Variants in ANK1 observed in about 807,000 individuals in gnomAD.
ANK1 encodes the protein ankyrin-1.
A neutral mutation model predicts 210.4 loss-of-function variants in ANK1; 51 were observed. The observed-to-expected ratio is 0.24, with a 90% CI of 0.19 to 0.31. The LOEUF (loss-of-function observed/expected upper bound fraction) is 0.31. Among genes scored for constraint, ANK1 ranks in the 10% least tolerant of loss-of-function variants. The probability of loss-of-function intolerance (pLI) is 1.00; values close to 1 mark genes in which losing one functional copy is unlikely to be tolerated. For synonymous variants in ANK1, 967 were observed against 1,025.9 expected (o/e 0.94, Z 1.10); for missense variants, 2,051 against 2,504.4 (o/e 0.82, Z 3.86).
At chr8:41,822,615 CTTCTT>C (rs770099771) in intron 1 of ANK1, among the ~76,000 whole-genome samples, 2 of 152,282 alleles carry the variant, frequency 1.3e-5, no homozygotes, top group Non-Finnish European at 2.9e-5. Context: ...GCTCTAATGA[CTTCTT>C]TCTGCATCCT....
chr8:41,707,564 C>T (rs981882694), intron 17 of ANK1, among the ~76,000 whole-genome samples: 5 of 152,214 alleles, frequency 3.3e-5, no homozygotes, highest in Non-Finnish European at 5.9e-5. Flanking sequence ...ACTGTGTCAG[C>T]CTCTCAGGCG....
At position 41,759,195 on chromosome 8, in the gene ANK1, A is replaced by G. The variant is rs141018829; in HGVS notation, c.28-1058T>C. Among the ~76,000 whole-genome samples, 833 of 152,310 alleles carry G rather than the reference A, an allele frequency of 5.5e-3. 8 individuals carry two copies. The highest frequency in any genetic ancestry group is 7.7e-3 in the Non-Finnish European group (527 of 68,024). On this transcript the variant is annotated intron_variant, in intron 1 of 42. Coordinates refer to ENST00000289734, the MANE Select transcript of ANK1 (RefSeq NM_000037.4). ...TTGCAGGAAAAAAATTAAAAATAAC[A>G]ATACTAAAATAAAAAGTAATACTAA...
At position 41,714,167 on chromosome 8, in the gene ANK1, T is replaced by C; in HGVS notation, c.1789A>G (p.Ser597Gly). The change falls in exon 16 of 43, where the codon AGC becomes GGC. Residue 597 changes from serine to glycine, a missense_variant. Around this residue, in one of 6 missense-constraint regions of ANK1, gnomAD observed 1,413 missense variants for 1,707.4 expected, o/e 0.83. Transcript: ENST00000289734. The part of the protein sequence containing the change: ...LLLPRGGSPH[S>G]PAWNGYTPLH... ...GGGGCGGGCCTTACCCAGGCAGGGCTGTGCGGGGAGCCGCCCCGGGGAAGC... is the reference window on the plus strand; with the variant it reads ...GGGGCGGGCCTTACCCAGGCAGGGCCGTGCGGGGAGCCGCCCCGGGGAAGC... 1 of 1,419,358 alleles carries C rather than the reference T, an allele frequency of 7.0e-7. No homozygotes were observed. The highest frequency in any genetic ancestry group is 9.3e-7 in the Non-Finnish European group (1 of 1,069,610). 87.9% of individuals were successfully genotyped at this position (1,419,358 alleles called of 1,614,324 possible).
rs1820996815 is a variant in ANK1 at position 41,696,538 on chromosome 8, T to C, written c.2785A>G (p.Ser929Gly). The C allele has an allele frequency of 6.2e-7, 1 of 1,613,876 alleles. No homozygotes were observed. The highest frequency in any genetic ancestry group is 2.2e-5 in the East Asian group (1 of 44,878). Reference sequence around the variant, plus strand: ...ACCACTCGCAGGCCGTTGTGGCGACTTCCTCTCATGGAACCACCCCGGGCG... The same window carrying C: ...ACCACTCGCAGGCCGTTGTGGCGACCTCCTCTCATGGAACCACCCCGGGCG... ...VDARGGSMRG[S>G]RHNGLRVVIP... The change falls in exon 26 of 43, where the codon AGT (serine) becomes GGT (glycine). Residue 929 changes from serine to glycine, a missense_variant. Ser to Gly is a moderately conservative substitution (Grantham distance 56). Around this residue, in one of 6 missense-constraint regions of ANK1, gnomAD observed 1,413 missense variants for 1,707.4 expected, o/e 0.83. Coordinates refer to ENST00000289734, the MANE Select transcript of ANK1 (RefSeq NM_000037.4).
chr8:41,740,452 GC>G (rs1249005006), intron 2 of ANK1, among the ~76,000 whole-genome samples: 1 of 139,632 alleles, frequency 7.2e-6, no homozygotes, highest in Non-Finnish European at 1.6e-5. Flanking sequence ...GAGCCACCAC[GC>G]CCAATTGCCT....
intron 1 of ANK1, among the ~76,000 whole-genome samples, chr8:41,889,892 A>G (rs535358100): frequency 6.6e-6 from 1 of 152,380 alleles, no homozygotes; most frequent in South Asian, 2.1e-4. Context: ...CATGCAGATT[A>G]CTGCGCAGGT....
chr8:41,754,542 A>G (rs543394894), intron 2 of ANK1, among the ~76,000 whole-genome samples: 18 of 152,340 alleles, frequency 1.2e-4, no homozygotes, highest in African/African-American at 4.3e-4. Flanking sequence ...TTATGTAAGG[A>G]TAAGTATTTG....
rs1285517386 is a variant in ANK1 at position 41,719,865 on chromosome 8, A to T, written c.910-7T>A. On this transcript the variant is annotated splice_region_variant and splice_polypyrimidine_tract_variant and intron_variant, in intron 9 of 42. Coordinates refer to ENST00000289734, the MANE Select transcript of ANK1 (RefSeq NM_000037.4). ...GAATTGGGGACAGGCCGTTCTGGGTAAAGAGGAAAACACAAGCAATCACAA... is the reference window on the plus strand; with the variant it reads ...GAATTGGGGACAGGCCGTTCTGGGTTAAGAGGAAAACACAAGCAATCACAA... 6.2e-7 allele frequency: 1 copy of T among 1,614,146 alleles called. No homozygotes were observed. The highest frequency in any genetic ancestry group is 8.5e-7 in the Non-Finnish European group (1 of 1,180,006).
chr8:41,698,652 C>A (rs1394652202), intron 23 of ANK1, among the ~76,000 whole-genome samples: 2 of 152,194 alleles, frequency 1.3e-5, no homozygotes, highest in Non-Finnish European at 2.9e-5. Flanking sequence ...TAACTCACAG[C>A]AGTCACAGGG....
At chr8:41,853,200 AAG>A (rs1811580933) in intron 1 of ANK1, among the ~76,000 whole-genome samples, 1 of 152,234 alleles carries the variant, frequency 6.6e-6, no homozygotes, top group Non-Finnish European at 1.5e-5. Flanking sequence ...GTCAATTTAT[AAG>A]AGAAGAAAAA....
chr8:41,864,954 C>G (rs1814075002), intron 1 of ANK1, among the ~76,000 whole-genome samples: 1 of 152,230 alleles, frequency 6.6e-6, no homozygotes, highest in Non-Finnish European at 1.5e-5. Flanking sequence ...ACTGACCAAC[C>G]AGATCACACA....
intron 1 of ANK1, among the ~76,000 whole-genome samples, chr8:41,795,628 A>G (rs1848605539): frequency 6.6e-6 from 1 of 152,216 alleles, no homozygotes; most frequent in Non-Finnish European, 1.5e-5. Flanking sequence ...GGAGGTCATT[A>G]TGCTAAGTGA....
intron 1 of ANK1, among the ~76,000 whole-genome samples, chr8:41,823,478 ACACAGGTATC>A (rs1178146606): frequency 6.6e-6 from 1 of 152,174 alleles, no homozygotes; most frequent in Non-Finnish European, 1.5e-5. Flanking sequence ...AGAAAAATAA[ACACAGGTATC>A]CACTACTCAG....
At chr8:41,661,680 A>G (rs756503800) in intron 41 of ANK1, 116 bp from the exon 42 acceptor site, 2 of 1,599,178 alleles carry the variant, frequency 1.3e-6, no homozygotes, top group African/African-American at 2.7e-5. Flanking sequence ...ACCAGGGAGA[A>G]GAGAGACTGG....
intron 1 of ANK1, among the ~76,000 whole-genome samples, chr8:41,831,639 CAAAAA>C (rs143137281): frequency 1.7e-5 from 1 of 58,444 alleles, no homozygotes; most frequent in African/African-American, 5.8e-5. Flanking sequence ...AAAAGTCTGT[CAAAAA>C]AAAAAAAAAA....
chr8:41,881,983 G>A (rs951629671), intron 1 of ANK1, among the ~76,000 whole-genome samples: 4 of 152,092 alleles, frequency 2.6e-5, no homozygotes, highest in Non-Finnish European at 5.9e-5. Context: ...GTTGATAGAC[G>A]AGAAAATGAC....
rs780071774 is a variant in ANK1, at chr8:41,725,918, A to G, written c.455T>C (p.Leu152Pro). ...GACGACGTTCTCATGGCCCTGCTGC[A>G]GGGCTACCGCCAGAGGCGTGAAGCC... is the stretch of plus-strand genomic sequence containing the variant. ...EDGFTPLAVA[L>P]QQGHENVVAH... Residue 152 changes from leucine (L) to proline (P), a missense_variant, in exon 6 of 43, where the codon CTG becomes CCG. Leu to Pro is a moderately conservative substitution (Grantham distance 98). Around this residue, in one of 6 missense-constraint regions of ANK1, gnomAD observed 1,413 missense variants for 1,707.4 expected, o/e 0.83. Transcript: ENST00000289734. The G allele has an allele frequency of 6.2e-7, 1 of 1,613,646 alleles. No individual in the cohort carries two copies. The highest frequency in any genetic ancestry group is 8.5e-7 in the Non-Finnish European group (1 of 1,179,968).
intron 35 of ANK1, among the ~76,000 whole-genome samples, chr8:41,686,846 C>T (rs1408698391): frequency 6.6e-6 from 1 of 152,164 alleles, no homozygotes; most frequent in Non-Finnish European, 1.5e-5. Context: ...TAGCCAAAAT[C>T]CCCCATTATT....
chr8:41,798,878 C>G (rs1022147044), upstream of ANK1, among the ~76,000 whole-genome samples: 9 of 152,132 alleles, frequency 5.9e-5, no homozygotes, highest in Non-Finnish European at 1.2e-4. Flanking sequence ...CTGACGAGGC[C>G]GCCATCTGGC....
Sources: gnomAD v4.1 joint callset for allele counts (sites outside exome capture counted in the v4.1 genomes callset) on GRCh38, gnomAD v4.1.1 for gene constraint, gnomAD v4.1.1 regional missense constraint, MANE v1.5 for transcripts, NCBI Gene and HGNC (gene_info 2026-07-23, HGNC 2026-07-21) for gene names.